Variants in COL12A1 observed in about 807,000 individuals in gnomAD.
COL12A1 encodes collagen alpha-1(XII) chain.
In COL12A1, 114 loss-of-function variants were observed where a neutral mutation model predicts 349.7. That is an observed-to-expected ratio of 0.33 (90% CI 0.28 to 0.38). COL12A1 has a LOEUF of 0.38. COL12A1 is among the 10% of genes least tolerant of loss of function. The pLI is 1.00. For missense variants in COL12A1, 3,284 were observed against 3,756.9 expected, an observed-to-expected ratio of 0.87 and a Z score of 3.29; for synonymous variants, 1,369 against 1,329.0, an observed-to-expected ratio of 1.03 and a Z score of -0.66.
At chr6:75,099,110 T>G (rs1236016218) in intron 58 of COL12A1, among the ~76,000 whole-genome samples, 1 of 152,250 alleles carries the variant, frequency 6.6e-6, no homozygotes, top group African/African-American at 2.4e-5. Flanking sequence ...GTTGACCATT[T>G]GGAGCTCTTC....
At chr6:75,174,908 T>C in intron 13 of COL12A1, 130 bp downstream of exon 13, 2 of 1,077,576 alleles carry the variant, frequency 1.9e-6, no homozygotes, top group Non-Finnish European at 2.6e-6. Context: ...TTATTTGTTT[T>C]TCAATATGGA....
At chr6:75,152,562 C>T in intron 17 of COL12A1, 80 bp from the exon 18 acceptor site, 2 of 1,520,324 alleles carry the variant, frequency 1.3e-6, no homozygotes, top group Non-Finnish European at 1.8e-6. Context: ...TCTACCACTC[C>T]CTGGATCCTC....
intron 10 of COL12A1, among the ~76,000 whole-genome samples, 162 bp downstream of exon 10, chr6:75,182,888 T>C (rs931948276): frequency 2.6e-5 from 4 of 152,214 alleles, no homozygotes; most frequent in African/African-American, 9.6e-5. Flanking sequence ...GAGAAAGTCA[T>C]ATCTCAGAGC....
chr6:75,154,627 G>A, intron 16 of COL12A1, 90 bp from the exon 17 acceptor site: 1 of 1,347,168 alleles, frequency 7.4e-7, no homozygotes. Flanking sequence ...CATTTTTCTT[G>A]ATTTACAAGC....
At chr6:75,121,736 A>G (rs1290359183) in intron 43 of COL12A1, among the ~76,000 whole-genome samples, 1 of 152,228 alleles carries the variant, frequency 6.6e-6, no homozygotes, top group African/African-American at 2.4e-5. Context: ...TTATGCAAAG[A>G]TACAATCTTA....
At chr6:75,104,366 A>G (rs1206345105) in intron 54 of COL12A1, among the ~76,000 whole-genome samples, 1 of 152,188 alleles carries the variant, frequency 6.6e-6, no homozygotes, top group Non-Finnish European at 1.5e-5. Context: ...GTTACTAGAA[A>G]AAAAGAATGG....
intron 27 of COL12A1, among the ~76,000 whole-genome samples, chr6:75,140,452 C>T (rs1766834598): frequency 6.6e-6 from 1 of 151,928 alleles, no homozygotes; most frequent in African/African-American, 2.4e-5. Flanking sequence ...GTCAGGAGAT[C>T]CAGACCATCC....
intron 14 of COL12A1, among the ~76,000 whole-genome samples, chr6:75,159,407 A>G (rs1232860049): frequency 6.8e-6 from 1 of 147,620 alleles, no homozygotes; most frequent in African/African-American, 2.4e-5. Flanking sequence ...AAAGAAAAAA[A>G]GTTTATATAT....
rs1251835415 is a variant in COL12A1 at position 75,181,111 on chromosome 6, G to A, written c.1992C>T (p.Ile664=). 3.7e-6 allele frequency: 6 copies of A among 1,613,646 alleles called. No homozygotes were observed. Among genetic ancestry groups the A allele is most frequent in the Admixed American group, 3.3e-5 (2 of 59,922 alleles). ...CATCCCCAGCCGCTTCCTTGTAGGT[G>A]ATGTGATATGAAAAAACATTTTCTC... is the stretch of plus-strand genomic sequence containing the variant. ...PAGENVFSYH[I]TYKEAAGDDE... is the part of the protein sequence containing the mutation. The change falls in exon 11 of 66, where the codon ATC becomes ATT. Residue 664 remains isoleucine (I), a synonymous_variant. Transcript: ENST00000322507.
intron 21 of COL12A1, among the ~76,000 whole-genome samples, chr6:75,149,319 C>T (rs1767360094): frequency 6.6e-6 from 1 of 152,198 alleles, no homozygotes; most frequent in South Asian, 2.1e-4. Context: ...TCTATATACT[C>T]ATGTCTTCTC....
intron 13 of COL12A1, among the ~76,000 whole-genome samples, chr6:75,171,179 G>A (rs181251185): frequency 6.6e-6 from 1 of 152,306 alleles, no homozygotes; most frequent in African/African-American, 2.4e-5. Flanking sequence ...TAGGGTTGTT[G>A]TAATTACATT....
At chr6:75,093,913 T>A (rs1159480188) in intron 60 of COL12A1, among the ~76,000 whole-genome samples, 1 of 152,206 alleles carries the variant, frequency 6.6e-6, no homozygotes, top group Non-Finnish European at 1.5e-5. Flanking sequence ...ACTGAGGTCA[T>A]AGTAAAACAA....
At chr6:75,139,068 G>T in intron 27 of COL12A1, 107 bp from the exon 28 acceptor site, 1 of 1,289,782 alleles carries the variant, frequency 7.8e-7, no homozygotes, top group Non-Finnish European at 1.1e-6. Flanking sequence ...TCTGAAAACT[G>T]ATTGAATACA....
chr6:75,145,546 A>T, intron 24 of COL12A1, 91 bp from the exon 25 acceptor site: 1 of 1,289,004 alleles, frequency 7.8e-7, no homozygotes, highest in Non-Finnish European at 1.1e-6. Flanking sequence ...TATTTGTACT[A>T]GATTATAATA....
chr6:75,182,522 C>T (rs1769370611), intron 10 of COL12A1, among the ~76,000 whole-genome samples: 1 of 152,198 alleles, frequency 6.6e-6, no homozygotes, highest in East Asian at 1.9e-4. Context: ...TCATCCATGT[C>T]CCTGAAAAGG....
rs77096187 is a variant in COL12A1, at chr6:75,192,861, G to T, written c.191-506C>A. Reference sequence around the variant, plus strand: ...GCAGTGCATATTCCATACTCAAATGGCTACATGCCTTAATGGGTAACATTG... The same window carrying T: ...GCAGTGCATATTCCATACTCAAATGTCTACATGCCTTAATGGGTAACATTG... On this transcript the variant is annotated intron_variant, in intron 3 of 65. Coordinates refer to ENST00000322507, the MANE Select transcript of COL12A1 (RefSeq NM_004370.6). Among the ~76,000 whole-genome samples, 13 of 152,044 alleles carry T rather than the reference G, an allele frequency of 8.6e-5. No individual in the cohort carries two copies. In the East Asian group the frequency reaches 2.5e-3, roughly 29 times the overall value.
chr6:75,171,443 G>C (rs934431999), intron 13 of COL12A1, among the ~76,000 whole-genome samples: 5 of 152,166 alleles, frequency 3.3e-5, no homozygotes, highest in Non-Finnish European at 7.3e-5. Flanking sequence ...ATTCAAGTTA[G>C]GGATGGTTGT....
In COL12A1 at chr6:75,113,768, A is replaced by T. The variant is rs764819054; in HGVS notation, c.7698-24T>A. The T allele has an allele frequency of 3.8e-5, 58 of 1,519,832 alleles. No individual in the cohort carries two copies. In the South Asian group the frequency reaches 7.2e-4, roughly 19 times the overall value. The allele number at this position is 1,519,832 out of a possible 1,614,324, so 94.1% of individuals were successfully genotyped here. A position where few individuals can be genotyped will look rare whatever the true frequency, so the allele number is the denominator to read the frequency against. On this transcript the variant is annotated intron_variant, in intron 49 of 65. Transcript: ENST00000322507. ...CTCTGTTGGATAAAACAAAAGAAAG[A>T]AAAAGGAGAGGAAAGAAAAAAAGAA...
Position 75,183,900 on chromosome 6 carries a change from T to C in COL12A1, c.1242A>G (p.Glu414=). 6.2e-7 allele frequency: 1 copy of C among 1,614,176 alleles called. No individual in the cohort carries two copies. The highest frequency in any genetic ancestry group is 1.7e-5 in the Admixed American group (1 of 60,016). The part of the protein sequence containing the change: ...VSAMKGMTSS[E]PISIMEKTQP... ...GAGTCTTCTCCATTATTGAAATGGGTTCACTGGATGTCATTCCCTTCATGG... is the reference window on the plus strand; with the variant it reads ...GAGTCTTCTCCATTATTGAAATGGGCTCACTGGATGTCATTCCCTTCATGG... Residue 414 remains glutamate (E), a synonymous_variant, in exon 9 of 66, where the codon GAA becomes GAG. Transcript: ENST00000322507.
Sources: allele counts gnomAD v4.1 joint callset (sites outside exome capture counted in the v4.1 genomes callset), GRCh38; gene constraint gnomAD v4.1.1; transcripts MANE v1.5; gene names NCBI Gene and HGNC (gene_info 2026-07-23, HGNC 2026-07-21).